Variants in WDFY2 observed in about 807,000 individuals in gnomAD.
The protein encoded by WDFY2 is WD repeat and FYVE domain-containing protein 2.
In WDFY2, 36 loss-of-function variants were observed where a neutral mutation model predicts 56.4. The observed-to-expected ratio is 0.64, with a 90% CI of 0.49 to 0.84. The LOEUF (loss-of-function observed/expected upper bound fraction) is 0.84, where lower values mean the gene tolerates loss of function less well. Ranked by LOEUF, WDFY2 falls within the 40% of genes least tolerant of loss-of-function variation. WDFY2 has a pLI of 0.00. For missense variants in WDFY2, 444 were observed against 512.2 expected (o/e 0.87, Z 1.29); for synonymous variants, 176 against 183.7 (o/e 0.96, Z 0.34).
intron 10 of WDFY2, chr13:51,756,666 G>T (rs1326259448): frequency 3.1e-6 from 3 of 983,022 alleles, no homozygotes; most frequent in African/African-American, 1.7e-5. Flanking sequence ...TACACTCAAA[G>T]AATTCATCTC....
chr13:51,741,779 TATTCAGTATTAAG>T (rs1385370498), intron 7 of WDFY2, among the ~76,000 whole-genome samples: 1 of 152,232 alleles, frequency 6.6e-6, no homozygotes, highest in Non-Finnish European at 1.5e-5. Flanking sequence ...TCAATATTAA[TATTCAGTATTAAG>T]ACCCCAGCTG....
chr13:51,675,663 G>A (rs946856189), intron 3 of WDFY2, among the ~76,000 whole-genome samples: 1 of 152,152 alleles, frequency 6.6e-6, no homozygotes, highest in African/African-American at 2.4e-5. Context: ...TTGATACTCT[G>A]TGTTCTTTCT....
intron 7 of WDFY2, among the ~76,000 whole-genome samples, chr13:51,745,631 T>C (rs968304741): frequency 2.6e-5 from 4 of 151,288 alleles, no homozygotes; most frequent in African/African-American, 9.7e-5. Flanking sequence ...GCTGAAAAGA[T>C]ACCCAGTGAT....
At chr13:51,742,704 G>A (rs1953002705) in intron 7 of WDFY2, among the ~76,000 whole-genome samples, 2 of 151,960 alleles carry the variant, frequency 1.3e-5, no homozygotes, top group Admixed American at 1.3e-4. Context: ...AATATAACCT[G>A]ACTTAAAGCA....
At chr13:51,732,385 G>A (rs1349332920) in intron 6 of WDFY2, among the ~76,000 whole-genome samples, 1 of 152,172 alleles carries the variant, frequency 6.6e-6, no homozygotes, top group Non-Finnish European at 1.5e-5. Context: ...CTCCCAAAGT[G>A]TTGGGATTAC....
intron 1 of WDFY2, among the ~76,000 whole-genome samples, chr13:51,615,248 C>A (rs994520805): frequency 6.6e-6 from 1 of 151,656 alleles, no homozygotes; most frequent in African/African-American, 2.4e-5. Context: ...AAAAAGCTAA[C>A]CCTATTAAAA....
intron 10 of WDFY2, among the ~76,000 whole-genome samples, chr13:51,757,636 TA>T (rs879596530): frequency 1.6e-3 from 234 of 142,390 alleles, no homozygotes; most frequent in Middle Eastern, 7.4e-3. Context: ...TCTTCTTACT[TA>T]AAAAAAAAAA....
At chr13:51,695,531 A>C (rs566211623) in intron 3 of WDFY2, among the ~76,000 whole-genome samples, 2 of 152,162 alleles carry the variant, frequency 1.3e-5, no homozygotes, top group African/African-American at 4.8e-5. Flanking sequence ...CTGTCTGATC[A>C]TTCCTCTGGA....
chr13:51,658,769 A>G (rs1593948703), intron 1 of WDFY2, among the ~76,000 whole-genome samples: 1 of 152,200 alleles, frequency 6.6e-6, no homozygotes, highest in African/African-American at 2.4e-5. Context: ...GTTATTTACC[A>G]TTGTATCTGT....
At position 51,749,354 on chromosome 13, in the gene WDFY2, A is replaced by C. The variant is rs546781619; in HGVS notation, c.726-1956A>C. On this transcript the variant is annotated intron_variant, in intron 7 of 11. Coordinates refer to ENST00000298125, the MANE Select transcript of WDFY2 (RefSeq NM_052950.4). ...AGTTCAAGAACCACTGCTTTGATACAAAGCTACCCTGTTTTGATTTGAAAA... is the reference window on the plus strand; with the variant it reads ...AGTTCAAGAACCACTGCTTTGATACCAAGCTACCCTGTTTTGATTTGAAAA... 1.4e-4 allele frequency among the ~76,000 whole-genome samples: 21 copies of C among 152,334 alleles called. No homozygotes were observed. In the South Asian group the frequency reaches 4.4e-3, roughly 32 times the overall value.
intron 8 of WDFY2, among the ~76,000 whole-genome samples, chr13:51,753,862 A>G (rs1953295745): frequency 6.6e-6 from 1 of 151,858 alleles, no homozygotes; most frequent in African/African-American, 2.4e-5. Context: ...AGGCAGGTGG[A>G]TCACTTGAGG....
At chr13:51,628,602 C>A (rs1208853057) in intron 1 of WDFY2, among the ~76,000 whole-genome samples, 2 of 152,172 alleles carry the variant, frequency 1.3e-5, no homozygotes, top group Non-Finnish European at 2.9e-5. Context: ...GAGCGAGTAT[C>A]CCTAGCGGCA....
At chr13:51,744,212 A>T (rs1488234403) in intron 7 of WDFY2, among the ~76,000 whole-genome samples, 1 of 152,258 alleles carries the variant, frequency 6.6e-6, no homozygotes, top group Non-Finnish European at 1.5e-5. Flanking sequence ...TAGTAGAAGC[A>T]TAATTAATTA....
At chr13:51,650,532 A>G (rs1751921496) in intron 1 of WDFY2, among the ~76,000 whole-genome samples, 1 of 152,182 alleles carries the variant, frequency 6.6e-6, no homozygotes, top group Non-Finnish European at 1.5e-5. Flanking sequence ...CCCATTCAGT[A>G]TGATATTGGC....
chr13:51,699,063 C>T (rs149563865), intron 3 of WDFY2, among the ~76,000 whole-genome samples: 3 of 152,322 alleles, frequency 2.0e-5, no homozygotes, highest in Admixed American at 6.5e-5. Context: ...TCTCTTGGCA[C>T]CTTGTTCCAC....
chr13:51,741,383 T>G (rs1389264129), intron 7 of WDFY2, among the ~76,000 whole-genome samples: 1 of 152,232 alleles, frequency 6.6e-6, no homozygotes, highest in African/African-American at 2.4e-5. Flanking sequence ...GAGGGGTTGC[T>G]CTGGTATCAC....
At chr13:51,735,636 C>G (rs1264341293) in intron 6 of WDFY2, among the ~76,000 whole-genome samples, 1 of 152,152 alleles carries the variant, frequency 6.6e-6, no homozygotes, top group Non-Finnish European at 1.5e-5. Context: ...GAATGTAAGT[C>G]TTATTTCATT....
Position 51,760,658 on chromosome 13 carries a change from C to T in WDFY2, c.*889C>T, listed in dbSNP as rs1332535819. On this transcript the variant is annotated 3_prime_UTR_variant, in exon 12 of 12. Coordinates refer to ENST00000298125, the MANE Select transcript of WDFY2 (RefSeq NM_052950.4). ...ATGACACACACACAAAATCCTACAT[C>T]AGCGGCCCTCAACCTTGTTGGCAGC... 6.6e-6 allele frequency: 1 copy of T among 152,222 alleles called. No individual in the cohort carries two copies. The highest frequency in any genetic ancestry group is 1.5e-5 in the Non-Finnish European group (1 of 68,040). 9.4% of individuals were successfully genotyped at this position (152,222 alleles called of 1,614,324 possible).
chr13:51,730,840 C>CT (rs1415321712), intron 6 of WDFY2, among the ~76,000 whole-genome samples: 1 of 152,090 alleles, frequency 6.6e-6, no homozygotes, highest in Non-Finnish European at 1.5e-5. Flanking sequence ...GCCAGTCACT[C>CT]TTTTTTGGCA....
Sources: gnomAD v4.1 joint callset for allele counts (sites outside exome capture counted in the v4.1 genomes callset) on GRCh38, gnomAD v4.1.1 for gene constraint, MANE v1.5 for transcripts, NCBI Gene and HGNC (gene_info 2026-07-23, HGNC 2026-07-21) for gene names.